AP4E1: variants seen among roughly 807,000 people sequenced by gnomAD.
AP4E1 encodes AP-4 complex subunit epsilon-1.
In AP4E1, 56 loss-of-function variants were observed where a neutral mutation model predicts 128.2. That is an observed-to-expected ratio of 0.44 (90% CI 0.35 to 0.55). AP4E1 has a LOEUF of 0.55. Ranked by LOEUF, AP4E1 falls within the 20% of genes least tolerant of loss-of-function variation. The pLI, the probability that AP4E1 is intolerant of heterozygous loss-of-function variation, is 0.00. For missense variants in AP4E1, 1,324 were observed against 1,307.7 expected (o/e 1.01, Z -0.19); for synonymous variants, 484 against 473.1 (o/e 1.02, Z -0.30).
chr15:50,933,409 A>G (rs2141162261), intron 7 of AP4E1, among the ~76,000 whole-genome samples: 1 of 152,242 alleles, frequency 6.6e-6, no homozygotes, highest in Non-Finnish European at 1.5e-5. Context: ...TATCTATTTG[A>G]ATATTTTCTT....
intron 10 of AP4E1, chr15:50,945,569 A>T: frequency 1.3e-6 from 1 of 742,882 alleles, no homozygotes; most frequent in Non-Finnish European, 2.5e-6. Context: ...GCTAGTTTCG[A>T]TAAAGCTATT....
intron 19 of AP4E1, among the ~76,000 whole-genome samples, chr15:51,000,321 T>A (rs545555816): frequency 6.6e-6 from 1 of 152,096 alleles, no homozygotes; most frequent in South Asian, 2.1e-4. Flanking sequence ...TTGTGTTTTT[T>A]GTAGAGATAG....
At chr15:50,942,089 G>A (rs2063996390) in intron 10 of AP4E1, among the ~76,000 whole-genome samples, 1 of 152,058 alleles carries the variant, frequency 6.6e-6, no homozygotes, top group South Asian at 2.1e-4. Context: ...GCTAATTTTT[G>A]TGTTTTTAGT....
In AP4E1 at chr15:51,003,335, A is replaced by G. The variant is rs972260614; in HGVS notation, c.*673A>G. 2 of 152,708 alleles carry G rather than the reference A, an allele frequency of 1.3e-5. No individual in the cohort carries two copies. The highest frequency in any genetic ancestry group is 4.8e-5 in the African/African-American group (2 of 41,458). The allele number at this position is 152,708 out of a possible 1,614,324, so 9.5% of individuals were successfully genotyped here. A position where few individuals can be genotyped will look rare whatever the true frequency, so the allele number is the denominator to read the frequency against. ...CCACTTGGAGTTATTTTAAAATTCA[A>G]AGTAAATCACTCTATTCTTATTTTG... On this transcript the variant is annotated 3_prime_UTR_variant, in exon 21 of 21. Transcript: ENST00000261842.
At chr15:50,955,089 T>C (rs1203918191) in intron 13 of AP4E1, among the ~76,000 whole-genome samples, 1 of 152,222 alleles carries the variant, frequency 6.6e-6, no homozygotes, top group Non-Finnish European at 1.5e-5. Flanking sequence ...ATCCAGTCTA[T>C]CATTGATGGA....
intron 15 of AP4E1, among the ~76,000 whole-genome samples, chr15:50,975,956 CAGAGAGAGAG>C (rs35121200): frequency 1.3e-5 from 2 of 148,192 alleles, no homozygotes; most frequent in African/African-American, 5.0e-5. Context: ...ACAAAAGGGA[CAGAGAGAGAG>C]AGAGAGAGAG....
At chr15:50,912,688 C>T (rs1017385070) in intron 2 of AP4E1, among the ~76,000 whole-genome samples, 4 of 147,960 alleles carry the variant, frequency 2.7e-5, no homozygotes, top group Non-Finnish European at 3.0e-5. Flanking sequence ...GACGGAGTCT[C>T]GCTCTGTTGC....
At chr15:50,950,798 T>A (rs1295380035) in intron 13 of AP4E1, among the ~76,000 whole-genome samples, 2 of 152,032 alleles carry the variant, frequency 1.3e-5, no homozygotes, top group African/African-American at 4.8e-5. Flanking sequence ...TAGGCGCTGG[T>A]GTGTGTTGTT....
intron 5 of AP4E1, among the ~76,000 whole-genome samples, chr15:50,928,444 C>T (rs139496959): frequency 1.3e-5 from 2 of 152,214 alleles, no homozygotes; most frequent in African/African-American, 4.8e-5. Context: ...TGCACCACCA[C>T]ACCTGGCTAA....
At chr15:50,943,204 C>G (rs2064010989) in intron 10 of AP4E1, among the ~76,000 whole-genome samples, 1 of 151,966 alleles carries the variant, frequency 6.6e-6, no homozygotes. Context: ...CCAGCTGCAT[C>G]CATGTTGCTG....
intron 16 of AP4E1, among the ~76,000 whole-genome samples, chr15:50,990,300 T>C (rs1209954012): frequency 6.7e-6 from 1 of 150,156 alleles, no homozygotes; most frequent in Admixed American, 6.7e-5. Flanking sequence ...AATGGCCTTA[T>C]GTTGCTTTCT....
intron 13 of AP4E1, 56 bp from the exon 14 acceptor site, chr15:50,958,436 T>C (rs947336235): frequency 1.4e-6 from 2 of 1,436,080 alleles, no homozygotes; most frequent in African/African-American, 1.4e-5. Context: ...GATTTTAGTA[T>C]AGTCTACTGT....
chr15:50,941,269 C>A (rs1002175880), intron 8 of AP4E1, among the ~76,000 whole-genome samples, 173 bp from the exon 9 acceptor site: 1 of 152,216 alleles, frequency 6.6e-6, no homozygotes, highest in Non-Finnish European at 1.5e-5. Context: ...GTAACCTAAT[C>A]CTAGTAACTG....
At chr15:50,991,008 C>G (rs2064799241) in intron 16 of AP4E1, among the ~76,000 whole-genome samples, 1 of 152,140 alleles carries the variant, frequency 6.6e-6, no homozygotes. Context: ...TCTGCTGACC[C>G]CATGGGGAGC....
intron 16 of AP4E1, among the ~76,000 whole-genome samples, chr15:50,991,889 T>A (rs907163035): frequency 6.6e-6 from 1 of 151,534 alleles, no homozygotes. Flanking sequence ...GTAGTAGAAA[T>A]GATTTTTTAA....
chr15:50,938,762 T>G (rs2063943883), intron 8 of AP4E1, among the ~76,000 whole-genome samples: 1 of 151,934 alleles, frequency 6.6e-6, no homozygotes, highest in Non-Finnish European at 1.5e-5. Flanking sequence ...AGTAATGAGG[T>G]ACCCCTCTCT....
intron 3 of AP4E1, among the ~76,000 whole-genome samples, chr15:50,917,495 C>A (rs1295334500): frequency 6.6e-6 from 1 of 152,144 alleles, no homozygotes; most frequent in Admixed American, 6.5e-5. Context: ...AACATTGATA[C>A]CCTTCTTAGA....
At chr15:50,912,503 A>G (rs1490748418) in intron 2 of AP4E1, among the ~76,000 whole-genome samples, 1 of 152,214 alleles carries the variant, frequency 6.6e-6, no homozygotes, top group Non-Finnish European at 1.5e-5. Context: ...AGGTATATCT[A>G]ATTTTATTAT....
In AP4E1 at chr15:50,984,415, G is replaced by A. The variant is rs111936436; in HGVS notation, c.2090+270G>A. Among the ~76,000 whole-genome samples the A allele has an allele frequency of 2.1e-3, 321 of 151,626 alleles. 2 individuals are homozygous for A. The highest frequency in any genetic ancestry group is 7.5e-3 in the African/African-American group (308 of 41,296). ...GTTGGTGTGCTGCACCCATTAACTC[G>A]TCATTTACATTAGGTATATCTCCTA... On this transcript the variant is annotated intron_variant, in intron 16 of 20. Coordinates refer to ENST00000261842, the MANE Select transcript of AP4E1 (RefSeq NM_007347.5).
Sources: gnomAD v4.1 joint callset for allele counts (sites outside exome capture counted in the v4.1 genomes callset) on GRCh38, gnomAD v4.1.1 for gene constraint, MANE v1.5 for transcripts, NCBI Gene and HGNC (gene_info 2026-07-23, HGNC 2026-07-21) for gene names.